The following NCAM2 variants were observed in gnomAD, a reference collection of about 807,000 sequenced individuals.
NCAM2 encodes N-CAM-2.
A neutral mutation model predicts 98.1 loss-of-function variants in NCAM2; 30 were observed. The ratio of observed to expected loss-of-function variants is 0.31; its 90% CI spans 0.23 to 0.41. The LOEUF is 0.41. Among genes scored for constraint, NCAM2 ranks in the 10% least tolerant of loss-of-function variants. NCAM2 has a pLI of 1.00. For missense variants in NCAM2, 867 were observed against 1,005.8 expected, an observed-to-expected ratio of 0.86 and a Z score of 1.87; for synonymous variants, 368 against 342.4, an observed-to-expected ratio of 1.07 and a Z score of -0.83.
At chr21:21,402,626 T>C (rs1016854831) in intron 9 of NCAM2, among the ~76,000 whole-genome samples, 1 of 152,150 alleles carries the variant, frequency 6.6e-6, no homozygotes, top group South Asian at 2.1e-4. Flanking sequence ...ACTCCCTGTT[T>C]GTACACTCCC....
intron 1 of NCAM2, among the ~76,000 whole-genome samples, chr21:21,227,919 G>A (rs921231756): frequency 6.6e-6 from 1 of 151,722 alleles, no homozygotes; most frequent in African/African-American, 2.4e-5. Context: ...AGGGAAACAA[G>A]ATAAATAATA....
At chr21:21,193,776 G>A (rs1183490526) in intron 1 of NCAM2, among the ~76,000 whole-genome samples, 2 of 152,068 alleles carry the variant, frequency 1.3e-5, no homozygotes, top group South Asian at 2.1e-4. Context: ...TTACAGGCAT[G>A]AGCCACCGCA....
chr21:21,519,983 A>G (rs903223982), intron 16 of NCAM2, among the ~76,000 whole-genome samples: 3 of 152,088 alleles, frequency 2.0e-5, no homozygotes, highest in African/African-American at 7.2e-5. Flanking sequence ...GTCATAGAGG[A>G]TAGTATTAGT....
At chr21:21,310,603 T>C (rs73230468) in intron 5 of NCAM2, among the ~76,000 whole-genome samples, 1 of 152,352 alleles carries the variant, frequency 6.6e-6, no homozygotes, top group Non-Finnish European at 1.5e-5. Context: ...GCTTATTGAA[T>C]CTGATTGTAA....
intron 1 of NCAM2, among the ~76,000 whole-genome samples, chr21:21,017,233 T>C: frequency 6.6e-6 from 1 of 151,804 alleles, no homozygotes; most frequent in African/African-American, 2.4e-5. Flanking sequence ...TAGACCATCC[T>C]GGCCAACATG....
Position 21,241,990 on chromosome 21 carries a change from A to T in NCAM2, c.56-38588A>T, listed in dbSNP as rs12483459. 4.1e-3 allele frequency among the ~76,000 whole-genome samples: 621 copies of T among 152,260 alleles called. 6 individuals are homozygous for T. The highest frequency in any genetic ancestry group is 0.015 in the African/African-American group (603 of 41,554). On this transcript the variant is annotated intron_variant, in intron 1 of 17. Transcript: ENST00000400546. ...TAAAAATTCAGAAAATATTAAAATAATGGATCTCAGAATAAGAATGTGGAA... is the reference window on the plus strand; with the variant it reads ...TAAAAATTCAGAAAATATTAAAATATTGGATCTCAGAATAAGAATGTGGAA...
chr21:21,229,496 A>G (rs1057275850), intron 1 of NCAM2, among the ~76,000 whole-genome samples: 1 of 151,566 alleles, frequency 6.6e-6, no homozygotes, highest in African/African-American at 2.4e-5. Context: ...TACTTTGCAT[A>G]CATACATTTA....
At chr21:21,089,453 T>A (rs1433269153) in intron 1 of NCAM2, among the ~76,000 whole-genome samples, 1 of 152,200 alleles carries the variant, frequency 6.6e-6, no homozygotes, top group Non-Finnish European at 1.5e-5. Flanking sequence ...AATCAAATTT[T>A]AAAAAACCAC....
At chr21:21,165,987 A>G (rs913744395) in intron 1 of NCAM2, among the ~76,000 whole-genome samples, 24 of 152,128 alleles carry the variant, frequency 1.6e-4, no homozygotes, top group Non-Finnish European at 7.4e-5. Flanking sequence ...TGATGGGGCC[A>G]TTCTCTAAGG....
chr21:21,519,673 T>C (rs1468733947), intron 16 of NCAM2, among the ~76,000 whole-genome samples: 1 of 152,196 alleles, frequency 6.6e-6, no homozygotes, highest in Non-Finnish European at 1.5e-5. Context: ...ATGCTTATTA[T>C]TGATCACACA....
At chr21:21,377,974 T>A (rs1416650073) in intron 9 of NCAM2, among the ~76,000 whole-genome samples, 1 of 152,034 alleles carries the variant, frequency 6.6e-6, no homozygotes, top group East Asian at 1.9e-4. Flanking sequence ...TGAACACCAG[T>A]GTCCTCTAGA....
intron 14 of NCAM2, among the ~76,000 whole-genome samples, chr21:21,476,129 A>C (rs1313429522): frequency 6.6e-6 from 1 of 152,134 alleles, no homozygotes; most frequent in Non-Finnish European, 1.5e-5. Context: ...ATTGTGGCTC[A>C]ACATAGAGTA....
At chr21:21,117,063 G>C (rs1020436366) in intron 1 of NCAM2, among the ~76,000 whole-genome samples, 18 of 152,166 alleles carry the variant, frequency 1.2e-4, no homozygotes, top group African/African-American at 4.3e-4. Context: ...ATGATGATTT[G>C]ATATATATCG....
chr21:21,253,770 T>G (rs1352995733), intron 1 of NCAM2, among the ~76,000 whole-genome samples: 2 of 152,186 alleles, frequency 1.3e-5, no homozygotes, highest in Non-Finnish European at 2.9e-5. Context: ...GTATTCAAAC[T>G]TAAAATGCTT....
chr21:21,039,494 A>G (rs2064862060), intron 1 of NCAM2, among the ~76,000 whole-genome samples: 1 of 152,216 alleles, frequency 6.6e-6, no homozygotes, highest in African/African-American at 2.4e-5. Context: ...GGTGATGAAC[A>G]CCACAAATGC....
chr21:21,387,325 C>T (rs141235580), intron 9 of NCAM2, among the ~76,000 whole-genome samples: 1 of 152,098 alleles, frequency 6.6e-6, no homozygotes, highest in Admixed American at 6.6e-5. Flanking sequence ...AAAGGCCCTA[C>T]TTCCAAATAC....
In NCAM2 at chr21:21,537,916, A is replaced by G. The variant is rs1990071220; in HGVS notation, c.2473A>G (p.Asn825Asp). The change falls in exon 18 of 18, where the codon AAC becomes GAC. Residue 825 changes from asparagine to aspartate, a missense_variant. Around this residue, in one of 5 missense-constraint regions of NCAM2, gnomAD observed 125 missense variants for 116.1 expected, o/e 1.08. Coordinates refer to ENST00000400546, the MANE Select transcript of NCAM2 (RefSeq NM_004540.5). ...AGAAACTATAGAAATTAAAGTTTCT[A>G]ACGACATCATTCAATCAAAAGAAGA... The part of the protein sequence containing the change: ...NPETIEIKVS[N>D]DIIQSKEDDS... 1.0e-5 allele frequency: 16 copies of G among 1,582,836 alleles called. No homozygotes were observed. The highest frequency in any genetic ancestry group is 1.3e-5 in the Non-Finnish European group (15 of 1,164,904).
intron 15 of NCAM2, among the ~76,000 whole-genome samples, chr21:21,496,771 T>A (rs2146323557): frequency 6.6e-6 from 1 of 152,224 alleles, no homozygotes; most frequent in South Asian, 2.1e-4. Context: ...TTTTAATCCA[T>A]CCCGAGTTAA....
rs1555909861 is a variant in NCAM2 at position 21,508,840 on chromosome 21, T to TTA, written c.2078-11_2078-10insTA. 6 of 916,900 alleles carry TTA rather than the reference T, an allele frequency of 6.5e-6. No homozygotes were observed. In the African/African-American group the frequency reaches 7.0e-5, roughly 11 times the overall value. The allele number at this position is 916,900 out of a possible 1,614,324, so 56.8% of individuals were successfully genotyped here. ...TTTTTTTTTTTTTTTTTTTTTTTTT[T>TTA]ACTTTTTAAGACACGCTGTTTAATG... On this transcript the variant is annotated splice_polypyrimidine_tract_variant and intron_variant, in intron 15 of 17. Transcript: ENST00000400546.
Sources: gnomAD v4.1 joint callset for allele counts (sites outside exome capture counted in the v4.1 genomes callset) on GRCh38, gnomAD v4.1.1 for gene constraint, gnomAD v4.1.1 regional missense constraint, MANE v1.5 for transcripts, NCBI Gene and HGNC (gene_info 2026-07-23, HGNC 2026-07-21) for gene names.